DIAPH3: variants seen among roughly 807,000 people sequenced by gnomAD.
The protein encoded by DIAPH3 is protein diaphanous homolog 3.
Under a neutral mutation model 144.3 loss-of-function variants are expected in DIAPH3, and 117 were observed. That is an observed-to-expected ratio of 0.81 (90% confidence interval 0.70 to 0.95). DIAPH3 has a LOEUF of 0.95. Ranked by LOEUF, DIAPH3 falls within the 40% of genes least tolerant of loss-of-function variation. The pLI is 0.00. For synonymous variants in DIAPH3, 519 were observed against 488.9 expected (o/e 1.06, Z -0.81); for missense variants, 1,421 against 1,412.7 (o/e 1.01, Z -0.09).
At chr13:60,054,196 AT>A (rs923792999) in intron 4 of DIAPH3, among the ~76,000 whole-genome samples, 3 of 151,788 alleles carry the variant, frequency 2.0e-5, no homozygotes, top group African/African-American at 7.3e-5. Context: ...GAAAACCAGT[AT>A]TTTTTTTAAC....
chr13:59,973,263 C>A (rs760688076), intron 15 of DIAPH3, among the ~76,000 whole-genome samples: 1 of 152,048 alleles, frequency 6.6e-6, no homozygotes, highest in African/African-American at 2.4e-5. Context: ...AAACCTTCAA[C>A]TGAACATAAT....
At chr13:59,838,783 C>A in intron 23 of DIAPH3, 1 of 154,658 alleles carries the variant, frequency 6.5e-6, no homozygotes, top group Non-Finnish European at 1.4e-5. Context: ...ATTATCTAAG[C>A]TGATAAAAAG....
At chr13:59,817,022 T>G (rs915971630) in intron 24 of DIAPH3, among the ~76,000 whole-genome samples, 1 of 151,842 alleles carries the variant, frequency 6.6e-6, no homozygotes, top group African/African-American at 2.4e-5. Context: ...AAACTAGAGG[T>G]TTTAAAATTT....
intron 4 of DIAPH3, among the ~76,000 whole-genome samples, chr13:60,044,735 T>C (rs895739060): frequency 6.6e-6 from 1 of 152,212 alleles, no homozygotes; most frequent in Non-Finnish European, 1.5e-5. Context: ...AAAACATATA[T>C]GATATGGTTT....
chr13:59,952,249 G>A (rs1050367678), intron 17 of DIAPH3, among the ~76,000 whole-genome samples: 8 of 152,120 alleles, frequency 5.3e-5, no homozygotes, highest in African/African-American at 1.9e-4. Flanking sequence ...TAGGGGAAGT[G>A]AATAATGGGG....
chr13:59,853,413 A>C (rs974897470), intron 22 of DIAPH3, among the ~76,000 whole-genome samples: 5 of 152,084 alleles, frequency 3.3e-5, no homozygotes, highest in Non-Finnish European at 7.4e-5. Flanking sequence ...AGGTGATTGG[A>C]TCATGGTGGT....
At chr13:60,044,293 T>C (rs1347929753) in intron 4 of DIAPH3, 1 of 152,170 alleles carries the variant, frequency 6.6e-6, no homozygotes, top group African/African-American at 2.4e-5. Flanking sequence ...TTTGTTTTTA[T>C]TAATTTACTA....
At chr13:60,095,719 T>A (rs993960623) in intron 3 of DIAPH3, among the ~76,000 whole-genome samples, 3 of 152,202 alleles carry the variant, frequency 2.0e-5, no homozygotes, top group Non-Finnish European at 4.4e-5. Context: ...CAGAAATAGA[T>A]GTAAAATGTA....
chr13:59,854,699 T>C (rs931977788), intron 22 of DIAPH3, among the ~76,000 whole-genome samples: 1 of 152,180 alleles, frequency 6.6e-6, no homozygotes, highest in Admixed American at 6.5e-5. Flanking sequence ...TTCTAAAACC[T>C]TGGTCATCAC....
At chr13:59,700,673 TG>T (rs533846008) in intron 27 of DIAPH3, among the ~76,000 whole-genome samples, 1 of 152,120 alleles carries the variant, frequency 6.6e-6, no homozygotes. Context: ...AGCCAGTTGA[TG>T]GGGGGAAGTT....
intron 1 of DIAPH3, among the ~76,000 whole-genome samples, chr13:60,159,824 A>G (rs1444261978): frequency 6.6e-6 from 1 of 152,158 alleles, no homozygotes; most frequent in Non-Finnish European, 1.5e-5. Context: ...GGAGTTGATA[A>G]TTACAACGCA....
At chr13:60,097,604 G>T (rs1321459230) in intron 3 of DIAPH3, among the ~76,000 whole-genome samples, 1 of 152,064 alleles carries the variant, frequency 6.6e-6, no homozygotes, top group Non-Finnish European at 1.5e-5. Context: ...TTCCTTTATG[G>T]CAACATAAAA....
chr13:60,034,693 G>A (rs2055070301), intron 5 of DIAPH3: 1 of 152,180 alleles, frequency 6.6e-6, no homozygotes, highest in South Asian at 2.1e-4. Context: ...AGAATTCCTG[G>A]ACTCAAGAGA....
chr13:59,802,427 TA>T (rs1293704855), intron 25 of DIAPH3, among the ~76,000 whole-genome samples: 2 of 151,444 alleles, frequency 1.3e-5, no homozygotes, highest in African/African-American at 4.8e-5. Context: ...CAATTTTAAT[TA>T]ATTTACTTAT....
At chr13:60,009,993 A>G (rs932558269) in intron 8 of DIAPH3, among the ~76,000 whole-genome samples, 3 of 152,168 alleles carry the variant, frequency 2.0e-5, no homozygotes, top group Non-Finnish European at 2.9e-5. Context: ...ATGGTATTTA[A>G]TTATACTCCT....
At chr13:59,816,375 G>A (rs1226248767) in intron 24 of DIAPH3, among the ~76,000 whole-genome samples, 1 of 151,670 alleles carries the variant, frequency 6.6e-6, no homozygotes, top group Non-Finnish European at 1.5e-5. Context: ...ATTTCAGTAA[G>A]TTATTTTTGT....
chr13:60,149,071 C>G (rs1442156396), intron 1 of DIAPH3, among the ~76,000 whole-genome samples: 3 of 152,126 alleles, frequency 2.0e-5, no homozygotes, highest in African/African-American at 7.2e-5. Flanking sequence ...GACAAAGGGT[C>G]AAGGGAAAGT....
At chr13:59,873,712 G>A (rs1476469654) in intron 21 of DIAPH3, among the ~76,000 whole-genome samples, 1 of 146,688 alleles carries the variant, frequency 6.8e-6, no homozygotes, top group East Asian at 2.0e-4. Flanking sequence ...TTTTACCCAG[G>A]CTGGAGTGCA....
intron 4 of DIAPH3, among the ~76,000 whole-genome samples, chr13:60,058,349 T>C (rs144618638): frequency 3.3e-5 from 5 of 152,058 alleles, no homozygotes; most frequent in Middle Eastern, 3.4e-3. Context: ...GATACTGCAT[T>C]ACTCAGCTAG....
Sources: gnomAD v4.1 joint callset for allele counts (sites outside exome capture counted in the v4.1 genomes callset) on GRCh38, gnomAD v4.1.1 for gene constraint, MANE v1.5 for transcripts, NCBI Gene and HGNC (gene_info 2026-07-23, HGNC 2026-07-21) for gene names.